Variants in KRTAP3-3 observed in about 807,000 individuals in gnomAD.
The protein encoded by KRTAP3-3 is keratin associated protein 3-3.
A neutral mutation model predicts 5.7 loss-of-function variants in KRTAP3-3; 8 were observed. The ratio of observed to expected loss-of-function variants is 1.40; its 90% confidence interval spans 0.82 to 2.52. The LOEUF (loss-of-function observed/expected upper bound fraction) is 2.52, where lower values mean the gene tolerates loss of function less well. Ranked by LOEUF, KRTAP3-3 falls within the 30% of genes most tolerant of loss-of-function variation. The probability of loss-of-function intolerance (pLI) is 0.00; values close to 1 mark genes in which losing one functional copy is unlikely to be tolerated. For missense variants in KRTAP3-3, 98 were observed against 121.5 expected (o/e 0.81, Z 0.91); for synonymous variants, 49 against 47.0 (o/e 1.04, Z -0.17).
chr17:40,993,598 G>A lies in KRTAP3-3; in HGVS notation c.*203C>T. The A allele has an allele frequency of 1.4e-6, 1 of 718,358 alleles. No individual in the cohort carries two copies. The highest frequency in any genetic ancestry group is 2.2e-6 in the Non-Finnish European group (1 of 453,800). The allele number at this position is 718,358 out of a possible 1,614,324, so 44.5% of individuals were successfully genotyped here. ...CTTCAGGAAGCTATAGGCATCCACT[G>A]ATTCAAACTGCAGTTGGTTATAGCT... On this transcript the variant is annotated 3_prime_UTR_variant, in exon 1 of 1. Coordinates refer to ENST00000391586, the MANE Select transcript of KRTAP3-3 (RefSeq NM_033185.3).
In KRTAP3-3 at chr17:40,993,790, G is replaced by C; in HGVS notation, c.*11C>G. The stretch of plus-strand genomic sequence containing the variant: ...TTTTCAATCTCAGGCACTGAGCAAA[G>C]TAGCCATCCATTAGCAGCCTCTTGG... On this transcript the variant is annotated 3_prime_UTR_variant, in exon 1 of 1. Transcript: ENST00000391586. 1 of 1,613,254 alleles carries C rather than the reference G, an allele frequency of 6.2e-7. No homozygotes were observed. Among genetic ancestry groups the C allele is most frequent in the Non-Finnish European group, 8.5e-7 (1 of 1,179,296 alleles).
Position 40,993,933 on chromosome 17 carries a change from G to T in KRTAP3-3, c.165C>A (p.Cys55Ter), listed in dbSNP as rs754266290. The change falls in exon 1 of 1, where the codon TGC becomes TGA. Residue 55 changes from cysteine (C) to a stop codon, truncating the protein, a stop_gained. Transcript: ENST00000391586. LOFTEE classifies it high-confidence loss of function. The part of the protein sequence containing the change: ...PTCCDNCPPP[C>*]HIPQPCVPTC... The stretch of plus-strand genomic sequence containing the variant: ...TGGGCACGCAGGGCTGAGGAATGTG[G>T]CAGGGTGGGGGACAGTTGTCACAGC... 3 of 1,614,084 alleles carry T rather than the reference G, an allele frequency of 1.9e-6. No individual in the cohort carries two copies. Among genetic ancestry groups the T allele is most frequent in the Non-Finnish European group, 2.5e-6 (3 of 1,179,998 alleles).
In KRTAP3-3 at chr17:40,993,757, T is replaced by C; in HGVS notation, c.*44A>G. ...AGATAGGTGAATGCTAAAGCTTCTA[T>C]GTTGACTTTTTCAATCTCAGGCACT... is the stretch of plus-strand genomic sequence containing the variant. On this transcript the variant is annotated 3_prime_UTR_variant, in exon 1 of 1. Coordinates refer to ENST00000391586, the MANE Select transcript of KRTAP3-3 (RefSeq NM_033185.3). The C allele has an allele frequency of 6.2e-7, 1 of 1,601,198 alleles. No individual in the cohort carries two copies. The highest frequency in any genetic ancestry group is 8.5e-7 in the Non-Finnish European group (1 of 1,171,982).
rs1284639675 is a variant in KRTAP3-3 at position 40,993,506 on chromosome 17, A to G, written c.*295T>C. The stretch of plus-strand genomic sequence containing the variant: ...CTTAATTTTCAGAAAGATACCACCC[A>G]AGACTGAAAACAGAATTCCCAAACC... On this transcript the variant is annotated 3_prime_UTR_variant, in exon 1 of 1. Coordinates refer to ENST00000391586, the MANE Select transcript of KRTAP3-3 (RefSeq NM_033185.3). The G allele has an allele frequency of 2.0e-5, 9 of 442,790 alleles. No individual in the cohort carries two copies. The highest frequency in any genetic ancestry group is 5.0e-5 in the South Asian group (1 of 19,912). The allele number at this position is 442,790 out of a possible 1,614,324, so 27.4% of individuals were successfully genotyped here.
rs565552045 is a variant in KRTAP3-3, at chr17:40,993,569, A to G, written c.*232T>C. On this transcript the variant is annotated 3_prime_UTR_variant, in exon 1 of 1. Transcript: ENST00000391586. ...AGACACTTTAATATGAAGGAATCGA[A>G]CAGCTTCAGGAAGCTATAGGCATCC... 1.7e-6 allele frequency: 1 copy of G among 572,346 alleles called. No individual in the cohort carries two copies. The highest frequency in any genetic ancestry group is 3.2e-5 in the South Asian group (1 of 31,002). The allele number at this position is 572,346 out of a possible 1,614,324, so 35.5% of individuals were successfully genotyped here.
chr17:40,993,738 G>A lies in KRTAP3-3; in HGVS notation c.*63C>T, dbSNP rs949181948. 4.4e-6 allele frequency: 7 copies of A among 1,580,092 alleles called. No individual in the cohort carries two copies. In the African/African-American group the frequency reaches 6.7e-5, roughly 15 times the overall value. Reference sequence around the variant, plus strand: ...ACATTAGTTGTAGGTACTGAGATAGGTGAATGCTAAAGCTTCTATGTTGAC... The same window carrying A: ...ACATTAGTTGTAGGTACTGAGATAGATGAATGCTAAAGCTTCTATGTTGAC... On this transcript the variant is annotated 3_prime_UTR_variant, in exon 1 of 1. Transcript: ENST00000391586.
Position 40,993,580 on chromosome 17 carries a change from A to G in KRTAP3-3, c.*221T>C. 1 of 609,348 alleles carries G rather than the reference A, an allele frequency of 1.6e-6. No individual in the cohort carries two copies. The highest frequency in any genetic ancestry group is 2.7e-6 in the Non-Finnish European group (1 of 367,254). The allele number at this position is 609,348 out of a possible 1,614,324, so 37.7% of individuals were successfully genotyped here. A position where few individuals can be genotyped will look rare whatever the true frequency, so the allele number is the denominator to read the frequency against. The stretch of plus-strand genomic sequence containing the variant: ...TATGAAGGAATCGAACAGCTTCAGG[A>G]AGCTATAGGCATCCACTGATTCAAA... On this transcript the variant is annotated 3_prime_UTR_variant, in exon 1 of 1. Transcript: ENST00000391586.
Position 40,994,032 on chromosome 17 carries a change from A to G in KRTAP3-3, c.66T>C (p.Ser22=), listed in dbSNP as rs2010201. The G allele has an allele frequency of 0.31, 499,196 of 1,613,802 alleles. 83,897 individuals are homozygous for G. The highest frequency in any genetic ancestry group is 0.59 in the African/African-American group (44,005 of 74,938). Residue 22 remains serine (S), a synonymous_variant, in exon 1 of 1, where the codon TCT becomes TCC. Coordinates refer to ENST00000391586, the MANE Select transcript of KRTAP3-3 (RefSeq NM_033185.3). ...PTGPATTICS[S]DKSCRCGVCL... The stretch of plus-strand genomic sequence containing the variant: ...AGACTCCACAGCGGCAGGATTTGTC[A>G]GAGGAGCAGATGGTGGTGGCAGGCC...
chr17:40,993,924 A>T lies in KRTAP3-3; in HGVS notation c.174T>A (p.Pro58=). The change falls in exon 1 of 1, where the codon CCT becomes CCA. Residue 58 remains proline (P), a synonymous_variant. Coordinates refer to ENST00000391586, the MANE Select transcript of KRTAP3-3 (RefSeq NM_033185.3). ...GGAAGCAGGTGGGCACGCAGGGCTG[A>T]GGAATGTGGCAGGGTGGGGGACAGT... is the stretch of plus-strand genomic sequence containing the variant. The part of the protein sequence containing the change: ...CDNCPPPCHI[P]QPCVPTCFLL... The T allele has an allele frequency of 1.2e-6, 2 of 1,614,064 alleles. No individual in the cohort carries two copies. The highest frequency in any genetic ancestry group is 2.2e-5 in the South Asian group (2 of 91,072).
Position 40,994,162 on chromosome 17 carries a change from A to AAT in KRTAP3-3, c.-67_-66dup. 6.4e-7 allele frequency: 1 copy of AAT among 1,568,710 alleles called. No homozygotes were observed. The highest frequency in any genetic ancestry group is 1.2e-5 in the South Asian group (1 of 86,320). On this transcript the variant is annotated 5_prime_UTR_variant, in exon 1 of 1. Transcript: ENST00000391586. Reference sequence around the variant, plus strand: ...AGAAGGATAAGGCTTCTGAGGTGTGAATATCTCTCCTTTCTCTGGGGCTCT... The same window carrying AAT: ...AGAAGGATAAGGCTTCTGAGGTGTGAATATATCTCTCCTTTCTCTGGGGCTCT...
rs1226463316 is a variant in KRTAP3-3, at chr17:40,993,719, G to A, written c.*82C>T. ...CCAATTTCTAAAGCAGAGTACATTA[G>A]TTGTAGGTACTGAGATAGGTGAATG... On this transcript the variant is annotated 3_prime_UTR_variant, in exon 1 of 1. Coordinates refer to ENST00000391586, the MANE Select transcript of KRTAP3-3 (RefSeq NM_033185.3). 3.2e-6 allele frequency: 5 copies of A among 1,546,240 alleles called. No individual in the cohort carries two copies. The highest frequency in any genetic ancestry group is 1.2e-5 in the South Asian group (1 of 80,730).
chr17:40,993,628 G>A lies in KRTAP3-3; in HGVS notation c.*173C>T. On this transcript the variant is annotated 3_prime_UTR_variant, in exon 1 of 1. Transcript: ENST00000391586. ...AAACTGCAGTTGGTTATAGCTGAAT[G>A]GTCATTGAAAGTTTCTTGGTCTCTT... 1.0e-6 allele frequency: 1 copy of A among 984,628 alleles called. No individual in the cohort carries two copies. Among genetic ancestry groups the A allele is most frequent in the Non-Finnish European group, 1.5e-6 (1 of 686,418 alleles). The allele number at this position is 984,628 out of a possible 1,614,324, so 61.0% of individuals were successfully genotyped here.
At position 40,994,058 on chromosome 17, in the gene KRTAP3-3, C is replaced by G; in HGVS notation, c.40G>C (p.Gly14Arg). 1.9e-6 allele frequency: 3 copies of G among 1,614,114 alleles called. No individual in the cohort carries two copies. The highest frequency in any genetic ancestry group is 2.5e-6 in the Non-Finnish European group (3 of 1,180,012). Residue 14 changes from glycine to arginine, a missense_variant, in exon 1 of 1, where the codon GGG becomes CGG. Transcript: ENST00000391586. ...CASRGCSVPT[G>R]PATTICSSDK... ...GAGGAGCAGATGGTGGTGGCAGGCC[C>G]GGTGGGGACACTGCAGCCTCGAGAG...
rs1912748955 is a variant in KRTAP3-3, at chr17:40,993,441, C to T, written c.*360G>A. ...GTAATTGTAGACACTTGTGCTATGC[C>T]AGAGATGTAAAATTTATTAGGATAA... On this transcript the variant is annotated 3_prime_UTR_variant, in exon 1 of 1. Coordinates refer to ENST00000391586, the MANE Select transcript of KRTAP3-3 (RefSeq NM_033185.3). The T allele has an allele frequency of 3.9e-6, 1 of 257,948 alleles. No individual in the cohort carries two copies. 16.0% of individuals were successfully genotyped at this position (257,948 alleles called of 1,614,324 possible). A position where few individuals can be genotyped will look rare whatever the true frequency, so the allele number is the denominator to read the frequency against.
chr17:40,993,852 G>C lies in KRTAP3-3; in HGVS notation c.246C>G (p.Leu82=), dbSNP rs777799781. The C allele has an allele frequency of 6.2e-7, 1 of 1,614,260 alleles. No homozygotes were observed. Among genetic ancestry groups the C allele is most frequent in the Non-Finnish European group, 8.5e-7 (1 of 1,180,056 alleles). Residue 82 remains leucine (L), a synonymous_variant, in exon 1 of 1, where the codon CTC becomes CTG. Transcript: ENST00000391586. ...CACAGCAGGGCTGAGTGAAGGTGGT[G>C]AGGTTGAGGGTCTCCAGGCCTGGAG... ...QPTPGLETLN[L]TTFTQPCCEP...
At position 40,993,597 on chromosome 17, in the gene KRTAP3-3, T is replaced by G. The variant is rs1912753072; in HGVS notation, c.*204A>C. 5 of 705,122 alleles carry G rather than the reference T, an allele frequency of 7.1e-6. No homozygotes were observed. The highest frequency in any genetic ancestry group is 1.1e-5 in the Non-Finnish European group (5 of 442,850). 43.7% of individuals were successfully genotyped at this position (705,122 alleles called of 1,614,324 possible). ...GCTTCAGGAAGCTATAGGCATCCAC[T>G]GATTCAAACTGCAGTTGGTTATAGC... is the stretch of plus-strand genomic sequence containing the variant. On this transcript the variant is annotated 3_prime_UTR_variant, in exon 1 of 1. Coordinates refer to ENST00000391586, the MANE Select transcript of KRTAP3-3 (RefSeq NM_033185.3).
Position 40,993,651 on chromosome 17 carries a change from C to CTT in KRTAP3-3, c.*148_*149dup. Reference sequence around the variant, plus strand: ...ATGGTCATTGAAAGTTTCTTGGTCTCTTTTTTTTTGCAGGGGGTGATTGTG... The same window carrying CTT: ...ATGGTCATTGAAAGTTTCTTGGTCTCTTTTTTTTTTTGCAGGGGGTGATTGTG... On this transcript the variant is annotated 3_prime_UTR_variant, in exon 1 of 1. Transcript: ENST00000391586. The CTT allele has an allele frequency of 2.5e-6, 3 of 1,221,538 alleles. No homozygotes were observed. Among genetic ancestry groups the CTT allele is most frequent in the Non-Finnish European group, 3.3e-6 (3 of 900,760 alleles). 75.7% of individuals were successfully genotyped at this position (1,221,538 alleles called of 1,614,324 possible).
rs200125435 is a variant in KRTAP3-3 at position 40,994,098 on chromosome 17, G to A, written c.-1C>T. 20 of 1,614,026 alleles carry A rather than the reference G, an allele frequency of 1.2e-5. No homozygotes were observed. Among genetic ancestry groups the A allele is most frequent in the Middle Eastern group, 1.6e-4 (1 of 6,062 alleles). ...AGCCTCGAGAGGCACAGCAATCCAT[G>A]GCTATTAGAGTCTGTGGTATTTATG... On this transcript the variant is annotated 5_prime_UTR_variant, in exon 1 of 1. Coordinates refer to ENST00000391586, the MANE Select transcript of KRTAP3-3 (RefSeq NM_033185.3).
At position 40,993,637 on chromosome 17, in the gene KRTAP3-3, A is replaced by G; in HGVS notation, c.*164T>C. The G allele has an allele frequency of 9.0e-7, 1 of 1,113,390 alleles. No individual in the cohort carries two copies. Among genetic ancestry groups the G allele is most frequent in the South Asian group, 1.7e-5 (1 of 57,944 alleles). 69.0% of individuals were successfully genotyped at this position (1,113,390 alleles called of 1,614,324 possible). On this transcript the variant is annotated 3_prime_UTR_variant, in exon 1 of 1. Transcript: ENST00000391586. ...TTGGTTATAGCTGAATGGTCATTGA[A>G]AGTTTCTTGGTCTCTTTTTTTTTGC...
Sources: gnomAD v4.1 joint callset for allele counts on GRCh38, gnomAD v4.1.1 for gene constraint, MANE v1.5 for transcripts, NCBI Gene and HGNC (gene_info 2026-07-23, HGNC 2026-07-21) for gene names.